Variants in CENPE observed in about 807,000 individuals in gnomAD.
The protein encoded by CENPE is centromere-associated protein E.
CENPE carries 145 observed loss-of-function variants against 336.1 expected under a neutral mutation model. That is an observed-to-expected ratio of 0.43 (90% CI 0.38 to 0.50). The LOEUF (loss-of-function observed/expected upper bound fraction) is 0.50. Among genes scored for constraint, CENPE ranks in the 20% least tolerant of loss-of-function variants. The pLI, the probability that CENPE is intolerant of heterozygous loss-of-function variation, is 0.00. For missense variants in CENPE, 2,719 were observed against 3,023.3 expected (o/e 0.90, Z 2.36); for synonymous variants, 1,013 against 984.8 (o/e 1.03, Z -0.54).
intron 24 of CENPE, among the ~76,000 whole-genome samples, chr4:103,154,581 C>A (rs1308980243): frequency 2.0e-5 from 3 of 152,078 alleles, no homozygotes; most frequent in Non-Finnish European, 4.4e-5. Context: ...TGGGACTAGT[C>A]TGTTAGATAT....
In CENPE at chr4:103,161,235, G is replaced by A. The variant is rs1439196761; in HGVS notation, c.1982C>T (p.Thr661Ile). Reference protein sequence around the residue: ...LKEKMKELATTYKQMENDIQL... With the variant: ...LKEKMKELATIYKQMENDIQL... ...AATATCATTTTCCATTTGCTTGTAT[G>A]TAGTTGCAAGTTCTTTCTATTGAGA... The change falls in exon 20 of 49, where the codon ACA becomes ATA. Residue 661 changes from threonine to isoleucine, a missense_variant. Thr to Ile is a moderately conservative substitution (Grantham distance 89). This residue lies in a region of CENPE where 2,437 missense variants were observed against 2,513.3 expected (regional missense o/e 0.97). Coordinates refer to ENST00000265148, the MANE Select transcript of CENPE (RefSeq NM_001813.3). 1.2e-6 allele frequency: 2 copies of A among 1,608,432 alleles called. No individual in the cohort carries two copies. Among genetic ancestry groups the A allele is most frequent in the Admixed American group, 1.7e-5 (1 of 59,160 alleles).
chr4:103,130,853 G>C (rs1751522276), intron 42 of CENPE, among the ~76,000 whole-genome samples: 1 of 141,530 alleles, frequency 7.1e-6, no homozygotes, highest in Non-Finnish European at 1.5e-5. Context: ...ATAGTCAAAT[G>C]ATCATTGACA....
At chr4:103,173,397 A>G (rs1023773477) in intron 16 of CENPE, among the ~76,000 whole-genome samples, 5 of 152,072 alleles carry the variant, frequency 3.3e-5, no homozygotes, top group Non-Finnish European at 7.4e-5. Context: ...ACTTGAAACT[A>G]TGAAACTACT....
intron 38 of CENPE, among the ~76,000 whole-genome samples, chr4:103,138,742 G>A (rs777494798): frequency 2.6e-5 from 4 of 152,038 alleles, no homozygotes; most frequent in South Asian, 2.1e-4. Flanking sequence ...GGTAGCTCAC[G>A]CCTGTAATCC....
intron 24 of CENPE, among the ~76,000 whole-genome samples, chr4:103,155,817 T>C (rs1275016986): frequency 1.3e-5 from 2 of 152,190 alleles, no homozygotes; most frequent in African/African-American, 4.8e-5. Context: ...AAGTAATATA[T>C]AAATGTACAG....
chr4:103,120,071 G>T, intron 44 of CENPE, 77 bp downstream of exon 44: 1 of 1,043,270 alleles, frequency 9.6e-7, no homozygotes. Context: ...GAAGAATAGA[G>T]CACAAGGAGA....
intron 46 of CENPE, among the ~76,000 whole-genome samples, chr4:103,112,232 ATAAG>A (rs761973562): frequency 8.8e-5 from 13 of 148,268 alleles, no homozygotes; most frequent in Non-Finnish European, 1.6e-4. Flanking sequence ...CTGTAAATAT[ATAAG>A]TATTATATAT....
At chr4:103,133,636 C>A in intron 41 of CENPE, 59 bp downstream of exon 41, 1 of 1,135,562 alleles carries the variant, frequency 8.8e-7, no homozygotes. Flanking sequence ...TGAAAAAGTA[C>A]CTTTCTACTT....
chr4:103,162,627 C>T (rs1754551850), intron 18 of CENPE, among the ~76,000 whole-genome samples: 1 of 149,770 alleles, frequency 6.7e-6, no homozygotes, highest in African/African-American at 2.5e-5. Context: ...GGCTGGAGTG[C>T]AATGGCATGA....
At chr4:103,148,763 G>T in intron 28 of CENPE, 81 bp downstream of exon 28, 3 of 1,302,964 alleles carry the variant, frequency 2.3e-6, no homozygotes, top group Non-Finnish European at 3.2e-6. Context: ...CCACATCCTA[G>T]CTACTTCTTA....
chr4:103,147,666 AC>A lies in CENPE; in HGVS notation c.3844-21del. The A allele has an allele frequency of 6.3e-7, 1 of 1,584,592 alleles. No homozygotes were observed. The highest frequency in any genetic ancestry group is 1.2e-5 in the South Asian group (1 of 85,922). ...TGGGATCTTAGGACATTCATAAAAT[AC>A]CAAGGTTACTATCAGGAGATTATGA... On this transcript the variant is annotated intron_variant, in intron 28 of 48. Coordinates refer to ENST00000265148, the MANE Select transcript of CENPE (RefSeq NM_001813.3).
At chr4:103,160,029 A>T (rs78117560) in intron 21 of CENPE, among the ~76,000 whole-genome samples, 1,656 of 151,846 alleles carry the variant, frequency 0.011, 23 homozygotes, top group African/African-American at 0.034. Flanking sequence ...ATAATGGGTT[A>T]TTGGGACTAA....
chr4:103,163,075 T>C (rs369063969), intron 18 of CENPE, 62 bp downstream of exon 18: 9 of 1,419,424 alleles, frequency 6.3e-6, no homozygotes, highest in Non-Finnish European at 7.7e-6. Context: ...AAGCATTTGC[T>C]AAGATGATGG....
Position 103,141,890 on chromosome 4 carries a change from C to A in CENPE, c.5323G>T (p.Glu1775Ter). The change falls in exon 35 of 49, where the codon GAA becomes TAA. Residue 1775 changes from glutamate (E) to a stop codon, truncating the protein, a stop_gained. Transcript: ENST00000265148. LOFTEE classifies it high-confidence loss of function. Reference sequence around the variant, plus strand: ...AGATGCATGTGAGCAATTCTTAGTTCCTCTTGTATTTTCAGATCCTTTACC... The same window carrying A: ...AGATGCATGTGAGCAATTCTTAGTTACTCTTGTATTTTCAGATCCTTTACC... ...LKAQDLKIQE[E>*]LRIAHMHLKE... 1 of 1,595,590 alleles carries A rather than the reference C, an allele frequency of 6.3e-7. No individual in the cohort carries two copies. The highest frequency in any genetic ancestry group is 8.5e-7 in the Non-Finnish European group (1 of 1,170,522).
chr4:103,135,947 CATA>C (rs1305212847), intron 40 of CENPE, among the ~76,000 whole-genome samples, 191 bp downstream of exon 40: 1 of 152,224 alleles, frequency 6.6e-6, no homozygotes, highest in African/African-American at 2.4e-5. Context: ...AACATCCTGA[CATA>C]ATGTCTAGGC....
intron 8 of CENPE, among the ~76,000 whole-genome samples, chr4:103,187,145 G>C (rs887977831): frequency 5.3e-5 from 8 of 152,084 alleles, no homozygotes; most frequent in Non-Finnish European, 7.4e-5. Context: ...AGTTCTCCTG[G>C]ATAATATCCT....
Position 103,151,495 on chromosome 4 carries a change from GA to G in CENPE, c.3238-119del, listed in dbSNP as rs1299286104. On this transcript the variant is annotated intron_variant, in intron 25 of 48. Coordinates refer to ENST00000265148, the MANE Select transcript of CENPE (RefSeq NM_001813.3). Reference sequence around the variant, plus strand: ...GAAGAAATCAGGGAAAACTATATAGGAAAAGACAAATTTCAAAAAAGAAAGT... The same window carrying G: ...GAAGAAATCAGGGAAAACTATATAGGAAAGACAAATTTCAAAAAAGAAAGT... The G allele has an allele frequency of 5.6e-6, 4 of 719,160 alleles. No individual in the cohort carries two copies. In the African/African-American group the frequency reaches 5.6e-5, roughly 10 times the overall value. The allele number at this position is 719,160 out of a possible 1,614,324, so 44.5% of individuals were successfully genotyped here. A position where few individuals can be genotyped will look rare whatever the true frequency, so the allele number is the denominator to read the frequency against.
At chr4:103,131,277 C>A (rs1327426269) in intron 42 of CENPE, among the ~76,000 whole-genome samples, 2 of 152,052 alleles carry the variant, frequency 1.3e-5, no homozygotes, top group Non-Finnish European at 2.9e-5. Flanking sequence ...AAAATAAGGG[C>A]AACAGACCTG....
intron 10 of CENPE, 135 bp downstream of exon 10, chr4:103,183,066 G>T: frequency 1.1e-6 from 1 of 870,218 alleles, no homozygotes; most frequent in Non-Finnish European, 1.7e-6. Context: ...AAATTCAGTA[G>T]ATTATAATCA....
Sources: gnomAD v4.1 joint callset for allele counts (sites outside exome capture counted in the v4.1 genomes callset) on GRCh38, gnomAD v4.1.1 for gene constraint, gnomAD v4.1.1 regional missense constraint, MANE v1.5 for transcripts, NCBI Gene and HGNC (gene_info 2026-07-23, HGNC 2026-07-21) for gene names.